The following CAB39L variants were observed in gnomAD, a reference collection of about 807,000 sequenced individuals.
The protein encoded by CAB39L is calcium binding protein 39 like.
CAB39L carries 23 observed loss-of-function variants against 39.1 expected under a neutral mutation model. The ratio of observed to expected loss-of-function variants is 0.59; its 90% CI spans 0.42 to 0.83. The LOEUF (loss-of-function observed/expected upper bound fraction) is 0.83. Among genes scored for constraint, CAB39L ranks in the 40% least tolerant of loss-of-function variants. The pLI, the probability that CAB39L is intolerant of heterozygous loss-of-function variation, is 0.00. For missense variants in CAB39L, 366 were observed against 391.9 expected (o/e 0.93, Z 0.56); for synonymous variants, 126 against 137.2 (o/e 0.92, Z 0.57).
intron 3 of CAB39L, among the ~76,000 whole-genome samples, chr13:49,383,850 A>G (rs1399262674): frequency 6.6e-6 from 1 of 152,218 alleles, no homozygotes; most frequent in Non-Finnish European, 1.5e-5. Context: ...AATGAAAACA[A>G]TATGTATAAC....
rs747543404 is a variant in CAB39L, at chr13:49,382,856, TC to T, written c.54del (p.Ile20SerfsTer2). 4.3e-6 allele frequency: 7 copies of T among 1,612,058 alleles called. 1 individual carries two copies. In the South Asian group the frequency reaches 7.7e-5, roughly 18 times the overall value. ...SKSHKNPAEI[V>X]KILKDNLAIL... ...ATGGCCAAATTGTCTTTCAGGATTT[TC>T]ACAATTTCTGCTGGATTTTTGTGTG... On this transcript the variant is annotated frameshift_variant, in exon 4 of 11. Transcript: ENST00000409308. LOFTEE classifies it high-confidence loss of function.
At position 49,330,244 on chromosome 13, in the gene CAB39L, T is replaced by C. The variant is rs1040581391; in HGVS notation, c.834+1703A>G. Among the ~76,000 whole-genome samples, 16 of 152,212 alleles carry C rather than the reference T, an allele frequency of 1.1e-4. No homozygotes were observed. In the East Asian group the frequency reaches 2.5e-3, roughly 24 times the overall value. On this transcript the variant is annotated intron_variant, in intron 10 of 10. Coordinates refer to ENST00000409308, the MANE Select transcript of CAB39L (RefSeq NM_001079670.3). ...GCCCCTAAAATTCAAAGTAGTTGCGTTGGATGGGAATCTGGCCACTTTCCT... is the reference window on the plus strand; with the variant it reads ...GCCCCTAAAATTCAAAGTAGTTGCGCTGGATGGGAATCTGGCCACTTTCCT...
At chr13:49,313,783 G>A (rs982417494) in intron 10 of CAB39L, among the ~76,000 whole-genome samples, 1 of 152,124 alleles carries the variant, frequency 6.6e-6, no homozygotes, top group Non-Finnish European at 1.5e-5. Flanking sequence ...CACCCCCTCT[G>A]CCCACCCATC....
At chr13:49,374,634 G>A (rs895915271) in intron 5 of CAB39L, among the ~76,000 whole-genome samples, 2 of 152,090 alleles carry the variant, frequency 1.3e-5, no homozygotes, top group Admixed American at 1.3e-4. Context: ...TGTTATCTGA[G>A]CCAATGCCAA....
chr13:49,436,567 T>TC (rs936788147), intron 1 of CAB39L, among the ~76,000 whole-genome samples: 9 of 141,114 alleles, frequency 6.4e-5, no homozygotes, highest in Non-Finnish European at 9.2e-5. Context: ...TTTTTTTTTT[T>TC]TTTTTTTTTT....
chr13:49,433,229 C>A, intron 3 of CAB39L, 89 bp downstream of exon 3: 1 of 317,054 alleles, frequency 3.2e-6, no homozygotes, highest in South Asian at 2.7e-5. Context: ...ATATTTATTC[C>A]TGATACATTT....
At chr13:49,407,395 C>A (rs1055122171) in intron 3 of CAB39L, among the ~76,000 whole-genome samples, 1 of 152,008 alleles carries the variant, frequency 6.6e-6, no homozygotes, top group Non-Finnish European at 1.5e-5. Context: ...AATTCACTAG[C>A]AATAAGTCCT....
At position 49,322,416 on chromosome 13, in the gene CAB39L, C is replaced by T. The variant is rs143443536; in HGVS notation, c.834+9531G>A. 1.6e-3 allele frequency among the ~76,000 whole-genome samples: 240 copies of T among 152,246 alleles called. 2 individuals carry two copies. The highest frequency in any genetic ancestry group is 5.6e-3 in the African/African-American group (231 of 41,548). ...AAAGTGTTTAGCAGAGTTTCTGGCC[C>T]GCAGCGACTGCTCATTACAGTTGCT... is the stretch of plus-strand genomic sequence containing the variant. On this transcript the variant is annotated intron_variant, in intron 10 of 10. Transcript: ENST00000409308.
At chr13:49,389,698 A>G (rs551034949) in intron 3 of CAB39L, among the ~76,000 whole-genome samples, 1 of 152,198 alleles carries the variant, frequency 6.6e-6, no homozygotes, top group Non-Finnish European at 1.5e-5. Flanking sequence ...GAAAATGGCT[A>G]TATCTTCATT....
chr13:49,370,270 T>C (rs74072538), intron 5 of CAB39L, among the ~76,000 whole-genome samples: 9,001 of 152,184 alleles, frequency 0.059, 600 homozygotes, highest in African/African-American at 0.16. Context: ...AATTTAAATA[T>C]ATTAAATTTA....
intron 3 of CAB39L, among the ~76,000 whole-genome samples, chr13:49,430,677 G>C (rs1957307502): frequency 6.6e-6 from 1 of 152,030 alleles, no homozygotes; most frequent in Non-Finnish European, 1.5e-5. Flanking sequence ...TTTTATCCTA[G>C]AGACTAAACT....
chr13:49,384,164 T>C (rs928141988), intron 3 of CAB39L, among the ~76,000 whole-genome samples: 4 of 152,234 alleles, frequency 2.6e-5, no homozygotes, highest in Non-Finnish European at 2.9e-5. Context: ...GCTAAATTTA[T>C]GTAATATTCT....
intron 3 of CAB39L, chr13:49,401,148 T>G (rs1956761162): frequency 6.6e-6 from 1 of 152,156 alleles, no homozygotes; most frequent in Non-Finnish European, 1.5e-5. Context: ...GTTACAGAAA[T>G]GCCTAGGCTT....
rs527809397 is a variant in CAB39L at position 49,370,556 on chromosome 13, G to A, written c.276+6411C>T. Among the ~76,000 whole-genome samples, 28 of 152,284 alleles carry A rather than the reference G, an allele frequency of 1.8e-4. 1 individual carries two copies. In the South Asian group the frequency reaches 5.6e-3, roughly 30 times the overall value. On this transcript the variant is annotated intron_variant, in intron 5 of 10. Coordinates refer to ENST00000409308, the MANE Select transcript of CAB39L (RefSeq NM_001079670.3). The stretch of plus-strand genomic sequence containing the variant: ...ATCCACTTGCAGATCATTCAGCTTT[G>A]TGTTGTCCAGGGTGTCATATCACCC...
chr13:49,327,526 A>G (rs1439484002), intron 10 of CAB39L, among the ~76,000 whole-genome samples: 3 of 150,990 alleles, frequency 2.0e-5, no homozygotes, highest in African/African-American at 7.3e-5. Context: ...CTGGTCTCAA[A>G]CTCCTGGCCT....
chr13:49,433,692 C>T (rs1957362496), intron 2 of CAB39L, among the ~76,000 whole-genome samples: 1 of 152,120 alleles, frequency 6.6e-6, no homozygotes, highest in African/African-American at 2.4e-5. Context: ...CCAACAGCCC[C>T]CATCTTCAAA....
intron 10 of CAB39L, among the ~76,000 whole-genome samples, chr13:49,319,536 A>G (rs1269371905): frequency 6.6e-6 from 1 of 152,136 alleles, no homozygotes; most frequent in African/African-American, 2.4e-5. Flanking sequence ...GTTGTACAAC[A>G]TCGTAAATAC....
chr13:49,377,189 A>G, intron 4 of CAB39L, 58 bp from the exon 5 acceptor site: 1 of 1,434,272 alleles, frequency 7.0e-7, no homozygotes, highest in Admixed American at 2.0e-5. Flanking sequence ...GGCCATAAAC[A>G]AACAAACAAA....
rs114057797 is a variant in CAB39L at position 49,337,100 on chromosome 13, C to T, written c.690+2577G>A. ...AACCAGGTCATGGCTGATGCAGGAT[C>T]GTGGGCAAAGTAAATTGACAAAAAA... On this transcript the variant is annotated intron_variant, in intron 9 of 10. Coordinates refer to ENST00000409308, the MANE Select transcript of CAB39L (RefSeq NM_001079670.3). Among the ~76,000 whole-genome samples the T allele has an allele frequency of 4.8e-3, 731 of 152,242 alleles. 12 individuals carry two copies. The highest frequency in any genetic ancestry group is 0.017 in the African/African-American group (708 of 41,534).
Sources: allele counts gnomAD v4.1 joint callset (sites outside exome capture counted in the v4.1 genomes callset), GRCh38; gene constraint gnomAD v4.1.1; transcripts MANE v1.5; gene names NCBI Gene and HGNC (gene_info 2026-07-23, HGNC 2026-07-21).